LEKR1: variants seen among roughly 807,000 people sequenced by gnomAD.
The protein encoded by LEKR1 is leucine, glutamate and lysine rich 1, also known as protein LEKR1.
LEKR1 carries 59 observed loss-of-function variants against 72.4 expected under a neutral mutation model. The ratio of observed to expected loss-of-function variants is 0.82; its 90% CI spans 0.66 to 1.01. The LOEUF is 1.01. Ranked by LOEUF, LEKR1 falls within the 50% of genes least tolerant of loss-of-function variation. The probability of loss-of-function intolerance (pLI) is 0.00; values close to 1 mark genes in which losing one functional copy is unlikely to be tolerated. For synonymous variants in LEKR1, 257 were observed against 263.2 expected (o/e 0.98, Z 0.23); for missense variants, 728 against 759.2 (o/e 0.96, Z 0.48).
At chr3:157,028,474 G>A (rs1734368852) in intron 12 of LEKR1, 72 bp downstream of exon 12, 16 of 1,296,228 alleles carry the variant, frequency 1.2e-5, no homozygotes, top group South Asian at 1.5e-5. Context: ...AAACAAAAAC[G>A]TGAAAGGCAG....
At chr3:156,856,142 T>C (rs1037114121) in intron 3 of LEKR1, among the ~76,000 whole-genome samples, 3 of 152,208 alleles carry the variant, frequency 2.0e-5, no homozygotes, top group African/African-American at 7.2e-5. Context: ...TAATTTTGTA[T>C]ATAATTTGAG....
chr3:156,914,732 T>C (rs1220180585), intron 3 of LEKR1, among the ~76,000 whole-genome samples: 1 of 152,124 alleles, frequency 6.6e-6, no homozygotes, highest in Non-Finnish European at 1.5e-5. Context: ...TTTCCCTTTG[T>C]CTTAATTAGC....
chr3:156,892,048 A>C (rs886640182), intron 3 of LEKR1, among the ~76,000 whole-genome samples: 2 of 152,310 alleles, frequency 1.3e-5, no homozygotes, highest in South Asian at 2.1e-4. Context: ...CGCTACCAAA[A>C]AAAAAAATCA....
intron 3 of LEKR1, among the ~76,000 whole-genome samples, chr3:156,899,392 GTATATATACATATATACATA>G (rs1721604845): frequency 1.4e-5 from 1 of 72,682 alleles, no homozygotes; most frequent in South Asian, 4.4e-4. Flanking sequence ...ATATATACAT[GTATATATACATATATACATA>G]TATACACATA....
Position 156,882,028 on chromosome 3 carries a change from G to A in LEKR1, c.263+29046G>A, listed in dbSNP as rs1239134535. 5.0e-4 allele frequency among the ~76,000 whole-genome samples: 67 copies of A among 133,014 alleles called. No homozygotes were observed. The East Asian group carries it at 6.1e-3, about 12-fold the overall frequency. 87.3% of individuals were successfully genotyped at this position (133,014 alleles called of 152,430 possible). A position where few individuals can be genotyped will look rare whatever the true frequency, so the allele number is the denominator to read the frequency against. On this transcript the variant is annotated intron_variant, in intron 3 of 12. Coordinates refer to ENST00000356539, the MANE Select transcript of LEKR1 (RefSeq NM_001004316.3). ...AGATGGATTAAAGACTTAAACGTTA[G>A]ACCTAAAACCATAAAAACCCTAGAA...
chr3:156,904,077 G>A (rs1722293586), intron 3 of LEKR1, among the ~76,000 whole-genome samples: 1 of 152,188 alleles, frequency 6.6e-6, no homozygotes, highest in Non-Finnish European at 1.5e-5. Context: ...GATTTTATAT[G>A]CTTTTCTATC....
intron 9 of LEKR1, among the ~76,000 whole-genome samples, chr3:157,006,865 C>T (rs1732477234): frequency 9.5e-6 from 1 of 105,722 alleles, no homozygotes; most frequent in African/African-American, 2.5e-5. Context: ...GTGACAGAAA[C>T]CAAAGTATTG....
chr3:156,840,428 T>C (rs1002536209), intron 2 of LEKR1, among the ~76,000 whole-genome samples: 1 of 152,228 alleles, frequency 6.6e-6, no homozygotes, highest in Non-Finnish European at 1.5e-5. Flanking sequence ...AATCCATACA[T>C]TGTTAATAGT....
intron 2 of LEKR1, among the ~76,000 whole-genome samples, chr3:156,842,240 G>A (rs1714013854): frequency 6.6e-6 from 1 of 152,128 alleles, no homozygotes. Flanking sequence ...TTAATGTGAA[G>A]AAACAAAGAC....
chr3:156,963,580 T>C (rs1409755822), intron 6 of LEKR1, among the ~76,000 whole-genome samples: 1 of 152,136 alleles, frequency 6.6e-6, no homozygotes, highest in Non-Finnish European at 1.5e-5. Context: ...TAATCACTGG[T>C]ACTATCTTAA....
intron 3 of LEKR1, among the ~76,000 whole-genome samples, chr3:156,892,132 C>A (rs576387637): frequency 1.8e-4 from 27 of 151,922 alleles, no homozygotes; most frequent in Admixed American, 1.5e-3. Flanking sequence ...TTGGTCCCAA[C>A]AATCGGGGAG....
intron 3 of LEKR1, chr3:156,888,318 G>A (rs761959238): frequency 2.8e-6 from 2 of 702,146 alleles, no homozygotes; most frequent in African/African-American, 1.7e-5. Context: ...TCAGACTCAT[G>A]CTTAGACTGG....
intron 9 of LEKR1, among the ~76,000 whole-genome samples, chr3:156,995,458 T>C (rs915711972): frequency 2.0e-5 from 3 of 152,204 alleles, no homozygotes; most frequent in Non-Finnish European, 2.9e-5. Flanking sequence ...CTTTATTCTC[T>C]CTGCTTTAGT....
intron 4 of LEKR1, chr3:156,920,941 G>A: frequency 4.4e-6 from 1 of 226,204 alleles, no homozygotes; most frequent in Non-Finnish European, 8.5e-6. Flanking sequence ...TTTTGTGGTG[G>A]CATTTAGAAT....
intron 4 of LEKR1, among the ~76,000 whole-genome samples, chr3:156,921,495 A>T (rs1490387256): frequency 6.6e-6 from 1 of 152,160 alleles, no homozygotes; most frequent in Admixed American, 6.6e-5. Flanking sequence ...AATGCTTTGC[A>T]CATAACTGAT....
intron 9 of LEKR1, among the ~76,000 whole-genome samples, chr3:157,009,979 A>G (rs2108021880): frequency 6.6e-6 from 1 of 152,212 alleles, no homozygotes; most frequent in East Asian, 1.9e-4. Flanking sequence ...TTAATGACAT[A>G]AAACTGTTCA....
At chr3:156,959,555 A>G (rs1727932478) in intron 6 of LEKR1, among the ~76,000 whole-genome samples, 1 of 151,184 alleles carries the variant, frequency 6.6e-6, no homozygotes, top group Admixed American at 6.6e-5. Flanking sequence ...CTATCCCACC[A>G]CTCTGCCTTT....
chr3:157,043,200 C>T (rs371671494), intron 12 of LEKR1, among the ~76,000 whole-genome samples: 2 of 152,196 alleles, frequency 1.3e-5, no homozygotes, highest in East Asian at 1.9e-4. Flanking sequence ...AGTGGCTAAG[C>T]TTCCTGTACA....
chr3:157,028,884 A>G (rs1734400408), intron 12 of LEKR1, among the ~76,000 whole-genome samples: 1 of 152,152 alleles, frequency 6.6e-6, no homozygotes, highest in African/African-American at 2.4e-5. Flanking sequence ...TTTCTTTCTT[A>G]TGTATGTATG....
Sources: allele counts gnomAD v4.1 joint callset (sites outside exome capture counted in the v4.1 genomes callset), GRCh38; gene constraint gnomAD v4.1.1; transcripts MANE v1.5; gene names NCBI Gene and HGNC (gene_info 2026-07-23, HGNC 2026-07-21).